The following GNA14 variants were observed in gnomAD, a reference collection of about 807,000 sequenced individuals.
GNA14 encodes the protein guanine nucleotide-binding protein subunit alpha-14.
A neutral mutation model predicts 42.0 loss-of-function variants in GNA14; 50 were observed. The ratio of observed to expected loss-of-function variants is 1.19; its 90% CI spans 0.95 to 1.51. GNA14 has a LOEUF of 1.51. Among genes scored for constraint, GNA14 ranks in the 40% most tolerant of loss-of-function variants. The pLI, the probability that GNA14 is intolerant of heterozygous loss-of-function variation, is 0.00. For synonymous variants in GNA14, 173 were observed against 163.1 expected (o/e 1.06, Z -0.46); for missense variants, 473 against 446.2 (o/e 1.06, Z -0.54).
chr9:77,500,443 G>C (rs1230232560), intron 2 of GNA14, among the ~76,000 whole-genome samples: 1 of 152,204 alleles, frequency 6.6e-6, no homozygotes, highest in East Asian at 1.9e-4. Context: ...GAGAGATCTT[G>C]TATAACATTT....
At chr9:77,516,075 CAG>C (rs948740322) in intron 2 of GNA14, among the ~76,000 whole-genome samples, 4 of 150,310 alleles carry the variant, frequency 2.7e-5, no homozygotes, top group Middle Eastern at 3.7e-3. Context: ...GACCCGCAAG[CAG>C]AGAGTCACTG....
At chr9:77,633,758 C>T (rs1327900677) in intron 1 of GNA14, among the ~76,000 whole-genome samples, 1 of 152,150 alleles carries the variant, frequency 6.6e-6, no homozygotes, top group Non-Finnish European at 1.5e-5. Context: ...AAGGCTCTGG[C>T]ATCAGACCAC....
chr9:77,480,957 T>G (rs1836542527), intron 2 of GNA14, among the ~76,000 whole-genome samples: 1 of 152,136 alleles, frequency 6.6e-6, no homozygotes, highest in Admixed American at 6.5e-5. Flanking sequence ...TTATTAGTCT[T>G]GCTAGTGGTC....
intron 2 of GNA14, among the ~76,000 whole-genome samples, chr9:77,465,611 CA>C (rs1836208418): frequency 2.0e-5 from 3 of 152,130 alleles, no homozygotes; most frequent in Admixed American, 1.3e-4. Flanking sequence ...CCACCATCAC[CA>C]ATGTATGAGA....
chr9:77,575,832 G>T (rs1189755948), intron 1 of GNA14, among the ~76,000 whole-genome samples: 2 of 152,144 alleles, frequency 1.3e-5, no homozygotes, highest in Non-Finnish European at 2.9e-5. Context: ...TGAACTTGGG[G>T]ATATTTGAAG....
intron 3 of GNA14, among the ~76,000 whole-genome samples, chr9:77,432,736 T>A (rs1487604408): frequency 2.0e-5 from 3 of 152,112 alleles, no homozygotes; most frequent in Non-Finnish European, 2.9e-5. Context: ...CTTGCCCCCA[T>A]GGTTTTCAGG....
In GNA14 at chr9:77,434,512, T is replaced by C; in HGVS notation, c.320A>G (p.Gln107Arg). The change falls in exon 3 of 7, where the codon CAG becomes CGG. Residue 107 changes from glutamine (Q) to arginine (R), a missense_variant. Gln to Arg is a conservative substitution (Grantham distance 43). Coordinates refer to ENST00000341700, the MANE Select transcript of GNA14 (RefSeq NM_004297.4). ...GTCCACTTCCACTTCTCTGATTATCTGGGCATTTTCCTACTCAAAGGAAAG... is the reference window on the plus strand; with the variant it reads ...GTCCACTTCCACTTCTCTGATTATCCGGGCATTTTCCTACTCAAAGGAAAG... ...YVCEQNKENA[Q>R]IIREVEVDKV... The C allele has an allele frequency of 1.2e-6, 2 of 1,613,146 alleles. No homozygotes were observed. Among genetic ancestry groups the C allele is most frequent in the Non-Finnish European group, 1.7e-6 (2 of 1,179,678 alleles).
In GNA14 at chr9:77,558,922, CAAAAAACAAAAA is replaced by C. The variant is rs1019420659; in HGVS notation, c.125-29681_125-29670del. Reference sequence around the variant, plus strand: ...ATTACTGAAAAAAGGTGTTAAAAAACAAAAAACAAAAAAAAAAACAAAAAACAAACAAACAAA... The same window carrying C: ...ATTACTGAAAAAAGGTGTTAAAAAACAAAAAACAAAAAACAAACAAACAAA... On this transcript the variant is annotated intron_variant, in intron 1 of 6. Coordinates refer to ENST00000341700, the MANE Select transcript of GNA14 (RefSeq NM_004297.4). 2.2e-4 allele frequency among the ~76,000 whole-genome samples: 27 copies of C among 121,154 alleles called. 1 individual carries two copies. The South Asian group carries it at 5.3e-3, about 24-fold the overall frequency. The allele number at this position is 121,154 out of a possible 152,430, so 79.5% of individuals were successfully genotyped here.
intron 1 of GNA14, among the ~76,000 whole-genome samples, chr9:77,618,581 A>AATATATATATATACAT (rs1823859209): frequency 2.3e-5 from 1 of 42,608 alleles, no homozygotes; most frequent in African/African-American, 9.5e-5. Flanking sequence ...ATTACATTTG[A>AATATATATATATACAT]ATATATATAT....
chr9:77,500,891 G>A (rs1271653292), intron 2 of GNA14, among the ~76,000 whole-genome samples: 1 of 152,086 alleles, frequency 6.6e-6, no homozygotes, highest in Non-Finnish European at 1.5e-5. Context: ...ACAGGTTTTT[G>A]TGTGAATATA....
At position 77,648,114 on chromosome 9, in the gene GNA14, G is replaced by A. The variant is rs1423932638; in HGVS notation, c.-321C>T. ...AGCGTTGCTGGCCCCGGGAAGATGC[G>A]CGCGCCCCTTGGCACAGGAGCCGGA... On this transcript the variant is annotated 5_prime_UTR_variant, in exon 1 of 7. Transcript: ENST00000341700. The A allele has an allele frequency of 1.0e-5, 4 of 391,818 alleles. No homozygotes were observed. The highest frequency in any genetic ancestry group is 1.8e-5 in the Non-Finnish European group (4 of 217,990). The allele number at this position is 391,818 out of a possible 1,614,324, so 24.3% of individuals were successfully genotyped here. A position where few individuals can be genotyped will look rare whatever the true frequency, so the allele number is the denominator to read the frequency against.
chr9:77,581,957 T>C (rs1404940850), intron 1 of GNA14, among the ~76,000 whole-genome samples: 3 of 152,222 alleles, frequency 2.0e-5, no homozygotes, highest in Admixed American at 6.5e-5. Context: ...TTCTCAACTC[T>C]TAAATTGTAA....
intron 1 of GNA14, among the ~76,000 whole-genome samples, chr9:77,613,060 T>G (rs189778875): frequency 3.9e-5 from 6 of 152,320 alleles, no homozygotes; most frequent in Non-Finnish European, 5.9e-5. Context: ...TCCTGCCATT[T>G]TGCACAACTG....
intron 2 of GNA14, among the ~76,000 whole-genome samples, chr9:77,452,548 A>G (rs1476100431): frequency 2.6e-4 from 4 of 15,298 alleles, no homozygotes; most frequent in African/African-American, 3.6e-4. Context: ...AACTGCACAC[A>G]AGTGTGTGTG....
chr9:77,480,841 G>A (rs1836539250), intron 2 of GNA14, among the ~76,000 whole-genome samples: 2 of 152,202 alleles, frequency 1.3e-5, no homozygotes, highest in South Asian at 4.1e-4. Context: ...GCATAGAGGT[G>A]TTTGTAGTAT....
intron 1 of GNA14, among the ~76,000 whole-genome samples, chr9:77,576,159 C>T (rs1170224254): frequency 6.6e-6 from 1 of 152,006 alleles, no homozygotes; most frequent in Non-Finnish European, 1.5e-5. Context: ...ATTTTCAGTT[C>T]AATATCATGG....
chr9:77,589,001 G>T (rs1823347795), intron 1 of GNA14, among the ~76,000 whole-genome samples: 1 of 152,126 alleles, frequency 6.6e-6, no homozygotes, highest in African/African-American at 2.4e-5. Context: ...CTGTTTGTTT[G>T]CTTTAGACAT....
At chr9:77,640,534 TA>T (rs1054611122) in intron 1 of GNA14, among the ~76,000 whole-genome samples, 1 of 152,148 alleles carries the variant, frequency 6.6e-6, no homozygotes, top group Non-Finnish European at 1.5e-5. Context: ...ATTAAGACTT[TA>T]TTTGCATTGC....
chr9:77,608,735 T>TTTTTG (rs1554703074), intron 1 of GNA14, among the ~76,000 whole-genome samples: 1 of 143,608 alleles, frequency 7.0e-6, no homozygotes, highest in South Asian at 2.1e-4. Context: ...ATATCCTGTT[T>TTTTTG]TTTTTTTTTT....
Sources: gnomAD v4.1 joint callset for allele counts (sites outside exome capture counted in the v4.1 genomes callset) on GRCh38, gnomAD v4.1.1 for gene constraint, MANE v1.5 for transcripts, NCBI Gene and HGNC (gene_info 2026-07-23, HGNC 2026-07-21) for gene names.